Variants in KRT77 observed in about 807,000 individuals in gnomAD.
KRT77 encodes keratin, type II cytoskeletal 1b.
A neutral mutation model predicts 51.5 loss-of-function variants in KRT77; 44 were observed. The observed-to-expected ratio is 0.85, with a 90% CI of 0.67 to 1.10. The LOEUF (loss-of-function observed/expected upper bound fraction) is 1.10, where lower values mean the gene tolerates loss of function less well. Among genes scored for constraint, KRT77 ranks in the 50% least tolerant of loss-of-function variants. KRT77 has a pLI of 0.00. For synonymous variants in KRT77, 293 were observed against 302.0 expected (o/e 0.97, Z 0.31); for missense variants, 763 against 743.9 (o/e 1.03, Z -0.30).
chr12:52,692,801 C>A lies in KRT77; in HGVS notation c.1160G>T (p.Arg387Leu). The A allele has an allele frequency of 1.2e-6, 2 of 1,604,136 alleles. No individual in the cohort carries two copies. Among genetic ancestry groups the A allele is most frequent in the Admixed American group, 1.7e-5 (1 of 59,724 alleles). ...NSKMEIAELN[R>L]TVQRLQAEIS... ...CTCTGCCTGCAGCCTCTGGACGGTG[C>A]GGTTGAGCTCTGCAATCTCCATCTT... Residue 387 changes from arginine to leucine, a missense_variant, in exon 6 of 9, where the codon CGC (arginine) becomes CTC (leucine). Coordinates refer to ENST00000341809, the MANE Select transcript of KRT77 (RefSeq NM_175078.3).
chr12:52,697,331 A>T (rs1423248601), intron 2 of KRT77, among the ~76,000 whole-genome samples: 1 of 152,272 alleles, frequency 6.6e-6, no homozygotes, highest in African/African-American at 2.4e-5. Flanking sequence ...CAATCCAACA[A>T]GGAAGGTTCT....
In KRT77 at chr12:52,702,994, C is replaced by T; in HGVS notation, c.441G>A (p.Glu147=). 6.2e-7 allele frequency: 1 copy of T among 1,614,036 alleles called. No individual in the cohort carries two copies. The highest frequency in any genetic ancestry group is 8.5e-7 in the Non-Finnish European group (1 of 1,179,996). Reference sequence around the variant, plus strand: ...CAGGGTCCACCTCCAGGTGAAGTGGCTCTAGGAGGCTCTGGTTAATGGTCA... The same window carrying T: ...CAGGGTCCACCTCCAGGTGAAGTGGTTCTAGGAGGCTCTGGTTAATGGTCA... ...QEVTINQSLL[E]PLHLEVDPEI... is the part of the protein sequence containing the mutation. The change falls in exon 1 of 9, where the codon GAG becomes GAA. Residue 147 remains glutamate (E), a synonymous_variant. Coordinates refer to ENST00000341809, the MANE Select transcript of KRT77 (RefSeq NM_175078.3).
intron 1 of KRT77, 109 bp from the exon 2 acceptor site, chr12:52,698,005 T>A: frequency 2.8e-6 from 4 of 1,415,550 alleles, no homozygotes; most frequent in Non-Finnish European, 2.9e-6. Flanking sequence ...AGAATCAGGA[T>A]GGCTCCTCCA....
intron 1 of KRT77, 127 bp downstream of exon 1, chr12:52,702,765 G>A: frequency 1.1e-6 from 1 of 930,946 alleles, no homozygotes; most frequent in Non-Finnish European, 1.6e-6. Flanking sequence ...AGCCCAAATG[G>A]GTAAATGATT....
At chr12:52,699,027 C>T (rs1007554200) in intron 1 of KRT77, among the ~76,000 whole-genome samples, 6 of 152,194 alleles carry the variant, frequency 3.9e-5, no homozygotes, top group African/African-American at 1.4e-4. Flanking sequence ...GATTCTGACT[C>T]TAGGCTGGAA....
chr12:52,695,942 C>T (rs1941789619), intron 3 of KRT77, 75 bp from the exon 4 acceptor site: 37 of 936,072 alleles, frequency 4.0e-5, no homozygotes, highest in South Asian at 3.5e-4. Flanking sequence ...CTGGCTCAGG[C>T]GAGTGGCAGA....
chr12:52,695,931 G>T, intron 3 of KRT77, 64 bp from the exon 4 acceptor site: 1 of 1,043,534 alleles, frequency 9.6e-7, no homozygotes, highest in Non-Finnish European at 1.5e-6. Flanking sequence ...CAGCTCACTG[G>T]CTGGCTCAGG....
At position 52,694,884 on chromosome 12, in the gene KRT77, A is replaced by G. The variant is rs527927657; in HGVS notation, c.916-94T>C. 1.6e-5 allele frequency: 19 copies of G among 1,185,598 alleles called. No individual in the cohort carries two copies. The East Asian group carries it at 4.0e-4, about 25-fold the overall frequency. 73.4% of individuals were successfully genotyped at this position (1,185,598 alleles called of 1,614,324 possible). ...TCCCTCAAGGCTCTCGGGGGAAGCCAGAAGCCTGGGCCAGGTAGTCTTGGG... is the reference window on the plus strand; with the variant it reads ...TCCCTCAAGGCTCTCGGGGGAAGCCGGAAGCCTGGGCCAGGTAGTCTTGGG... On this transcript the variant is annotated intron_variant, in intron 4 of 8. Transcript: ENST00000341809.
chr12:52,693,969 G>A (rs534048335), intron 5 of KRT77, among the ~76,000 whole-genome samples: 16 of 151,862 alleles, frequency 1.1e-4, no homozygotes, highest in African/African-American at 2.7e-4. Flanking sequence ...CCCAGGAGGC[G>A]GAGTTTGTAG....
At chr12:52,692,231 A>G (rs544679565) in intron 7 of KRT77, among the ~76,000 whole-genome samples, 190 bp downstream of exon 7, 1 of 151,178 alleles carries the variant, frequency 6.6e-6, no homozygotes, top group South Asian at 2.1e-4. Context: ...AATGATAACA[A>G]TGACTTCTCC....
In KRT77 at chr12:52,690,239, G is replaced by A. The variant is rs558129072; in HGVS notation, c.*926C>T. 44 of 152,352 alleles carry A rather than the reference G, an allele frequency of 2.9e-4. No homozygotes were observed. The highest frequency in any genetic ancestry group is 9.9e-4 in the African/African-American group (41 of 41,576). The allele number at this position is 152,352 out of a possible 1,614,324, so 9.4% of individuals were successfully genotyped here. ...AACAGGACAGAAGCAGAACTTGCTT[G>A]TCTGTTCATCAACTCCTGCATCCAC... On this transcript the variant is annotated 3_prime_UTR_variant, in exon 9 of 9. Transcript: ENST00000341809.
chr12:52,691,832 A>T, intron 8 of KRT77, 106 bp downstream of exon 8: 1 of 1,292,084 alleles, frequency 7.7e-7, no homozygotes, highest in Non-Finnish European at 1.1e-6. Context: ...ATTGCACAGG[A>T]CTGGAAGCTA....
rs1316065401 is a variant in KRT77, at chr12:52,690,225, A to G, written c.*940T>C. ...AGCTGTCAGGAGGAAACAGGACAGA[A>G]GCAGAACTTGCTTGTCTGTTCATCA... On this transcript the variant is annotated 3_prime_UTR_variant, in exon 9 of 9. Coordinates refer to ENST00000341809, the MANE Select transcript of KRT77 (RefSeq NM_175078.3). 2.6e-5 allele frequency: 4 copies of G among 152,286 alleles called. No homozygotes were observed. Among genetic ancestry groups the G allele is most frequent in the Non-Finnish European group, 4.4e-5 (3 of 68,070 alleles). 9.4% of individuals were successfully genotyped at this position (152,286 alleles called of 1,614,324 possible). A position where few individuals can be genotyped will look rare whatever the true frequency, so the allele number is the denominator to read the frequency against.
Position 52,697,728 on chromosome 12 carries a change from C to T in KRT77, c.712G>A (p.Ala238Thr), listed in dbSNP as rs377759755. The change falls in exon 2 of 9, where the codon GCG (alanine) becomes ACG (threonine). Residue 238 changes from alanine to threonine, a missense_variant. Coordinates refer to ENST00000341809, the MANE Select transcript of KRT77 (RefSeq NM_175078.3). ...LLSAEQMRQN[A>T]EVRSMQDVVE... is the part of the protein sequence containing the mutation. ...ACATCCTGCATGCTCCTGACCTCCG[C>T]GTTCTGGCGCATCTGCTCCGCACTG... The T allele has an allele frequency of 7.0e-5, 113 of 1,614,024 alleles. No individual in the cohort carries two copies. Among genetic ancestry groups the T allele is most frequent in the African/African-American group, 9.3e-5 (7 of 75,038 alleles).
chr12:52,691,416 C>G lies in KRT77; in HGVS notation c.1486G>C (p.Val496Leu). 6.3e-7 allele frequency: 1 copy of G among 1,596,054 alleles called. No homozygotes were observed. The highest frequency in any genetic ancestry group is 8.5e-7 in the Non-Finnish European group (1 of 1,175,528). ...CCGCCGCCTCCCGCGCCGCCGTTGA[C>G]GCTCACCTGGCTGTTCTGCACGGCT... ...SISVQNSQVS[V>L]NGGAGGGGSY... Residue 496 changes from valine to leucine, a missense_variant, in exon 9 of 9, where the codon GTC becomes CTC. Val to Leu is a conservative substitution (Grantham distance 32). Transcript: ENST00000341809.
At chr12:52,701,757 C>T (rs1394629220) in intron 1 of KRT77, among the ~76,000 whole-genome samples, 1 of 152,210 alleles carries the variant, frequency 6.6e-6, no homozygotes, top group African/African-American at 2.4e-5. Flanking sequence ...GGGACAGGGG[C>T]TTCTGTGTCT....
chr12:52,694,506 T>C, intron 5 of KRT77, 120 bp downstream of exon 5: 12 of 949,462 alleles, frequency 1.3e-5, no homozygotes, highest in Non-Finnish European at 1.8e-5. Flanking sequence ...ATGTAATTTC[T>C]AGAATTTGTA....
chr12:52,693,302 A>G (rs914143114), intron 5 of KRT77, among the ~76,000 whole-genome samples: 4 of 150,468 alleles, frequency 2.7e-5, no homozygotes, highest in Non-Finnish European at 6.0e-5. Context: ...ATGTCCTCAG[A>G]GGCCCTCCAT....
Position 52,691,452 on chromosome 12 carries a change from G to A in KRT77, c.1463-13C>T. ...CTGTTCTGCACGGCTGTGGGTAGGG[G>A]ACAGTGCACACGGGGTCAGAGGGAC... On this transcript the variant is annotated splice_polypyrimidine_tract_variant and intron_variant, in intron 8 of 8. Coordinates refer to ENST00000341809, the MANE Select transcript of KRT77 (RefSeq NM_175078.3). 10 of 1,568,446 alleles carry A rather than the reference G, an allele frequency of 6.4e-6. No individual in the cohort carries two copies. Among genetic ancestry groups the A allele is most frequent in the African/African-American group, 1.3e-5 (1 of 74,356 alleles).
Sources: allele counts gnomAD v4.1 joint callset (sites outside exome capture counted in the v4.1 genomes callset), GRCh38; gene constraint gnomAD v4.1.1; transcripts MANE v1.5; gene names NCBI Gene and HGNC (gene_info 2026-07-23, HGNC 2026-07-21).